The following SI variants were observed in gnomAD, a reference collection of about 807,000 sequenced individuals.
SI encodes sucrase-isomaltase, intestinal.
SI carries 235 observed loss-of-function variants against 253.3 expected under a neutral mutation model. The ratio of observed to expected loss-of-function variants is 0.93; its 90% CI spans 0.83 to 1.03. SI has a LOEUF of 1.03. SI is among the 50% of genes least tolerant of loss of function. SI has a pLI of 0.00. For missense variants in SI, 2,442 were observed against 2,211.1 expected (o/e 1.10, Z -2.09); for synonymous variants, 819 against 712.0 (o/e 1.15, Z -2.39).
At chr3:165,050,438 A>G (rs1193300312) in intron 13 of SI, among the ~76,000 whole-genome samples, 1 of 152,118 alleles carries the variant, frequency 6.6e-6, no homozygotes, top group Non-Finnish European at 1.5e-5. Context: ...ACACTCTGAG[A>G]ACCAAGACCT....
At chr3:165,082,626 G>A (rs578009661), upstream of SI, among the ~76,000 whole-genome samples, 8 of 152,032 alleles carry the variant, frequency 5.3e-5, no homozygotes, top group East Asian at 1.9e-4. Flanking sequence ...TCATATTAAA[G>A]CTATCCATAA....
chr3:165,022,533 TCTCACA>T (rs1467266163), intron 26 of SI, among the ~76,000 whole-genome samples: 13 of 83,380 alleles, frequency 1.6e-4, no homozygotes, highest in African/African-American at 4.6e-4. Context: ...TTTTGTGCCA[TCTCACA>T]CACACACACA....
At chr3:165,018,649 T>C (rs983483004) in intron 28 of SI, among the ~76,000 whole-genome samples, 8 of 151,212 alleles carry the variant, frequency 5.3e-5, no homozygotes, top group African/African-American at 1.9e-4. Flanking sequence ...TCTTAATATA[T>C]ATAAAATTAC....
intron 38 of SI, among the ~76,000 whole-genome samples, chr3:164,997,699 T>C (rs1021352581): frequency 1.3e-4 from 19 of 151,900 alleles, no homozygotes; most frequent in African/African-American, 4.3e-4. Flanking sequence ...TGTCCATGTG[T>C]ACACAGTGTT....
intron 9 of SI, among the ~76,000 whole-genome samples, chr3:165,060,982 T>A (rs1713958309): frequency 6.6e-6 from 1 of 151,050 alleles, no homozygotes; most frequent in Non-Finnish European, 1.5e-5. Flanking sequence ...TCTATTCAAA[T>A]GAAATACTAA....
chr3:164,982,832 A>G (rs551849132), intron 46 of SI, among the ~76,000 whole-genome samples, 170 bp downstream of exon 46: 1 of 152,032 alleles, frequency 6.6e-6, no homozygotes, highest in African/African-American at 2.4e-5. Flanking sequence ...TAATGTTTTT[A>G]TAGAGATGGG....
In SI at chr3:165,035,358, T is replaced by G. The variant is rs1350060199; in HGVS notation, c.2515+1031A>C. On this transcript the variant is annotated intron_variant, in intron 22 of 47. Transcript: ENST00000264382. ...TAATTCATAGCTTGCATTGAGAAAA[T>G]CACCCAGAGAATAGATCTTTCCTTA... Among the ~76,000 whole-genome samples the G allele has an allele frequency of 2.0e-5, 3 of 151,866 alleles. No individual in the cohort carries two copies. In the East Asian group the frequency reaches 5.8e-4, roughly 29 times the overall value.
chr3:164,987,127 C>A lies in SI; in HGVS notation c.5197+11G>T. The A allele has an allele frequency of 1.3e-6, 2 of 1,594,226 alleles. No homozygotes were observed. The highest frequency in any genetic ancestry group is 1.7e-6 in the Non-Finnish European group (2 of 1,162,318). ...CATCAATTAAATTTATCTACTAAAT[C>A]GAGCACTCACCTATACTCTCTCCAT... On this transcript the variant is annotated intron_variant, in intron 45 of 47. Coordinates refer to ENST00000264382, the MANE Select transcript of SI (RefSeq NM_001041.4).
At chr3:165,078,689 T>C (rs1715156894), upstream of SI, among the ~76,000 whole-genome samples, 1 of 151,632 alleles carries the variant, frequency 6.6e-6, no homozygotes, top group African/African-American at 2.4e-5. Context: ...AGATACTCTT[T>C]GATTTCTCAA....
chr3:165,043,229 A>G lies in SI; in HGVS notation c.1888-54T>C, dbSNP rs1042758004. Reference sequence around the variant, plus strand: ...AATGTTAAGATTCTCAAATTTGCCTAGAGCATCACACTGTATGCCTCAACT... The same window carrying G: ...AATGTTAAGATTCTCAAATTTGCCTGGAGCATCACACTGTATGCCTCAACT... On this transcript the variant is annotated intron_variant, in intron 16 of 47. Coordinates refer to ENST00000264382, the MANE Select transcript of SI (RefSeq NM_001041.4). The G allele has an allele frequency of 2.9e-5, 36 of 1,228,084 alleles. No homozygotes were observed. In the African/African-American group the frequency reaches 5.0e-4, roughly 17 times the overall value. The allele number at this position is 1,228,084 out of a possible 1,614,324, so 76.1% of individuals were successfully genotyped here. A position where few individuals can be genotyped will look rare whatever the true frequency, so the allele number is the denominator to read the frequency against.
rs780611725 is a variant in SI, at chr3:165,032,613, C to G, written c.2645G>C (p.Gly882Ala). 3 of 1,608,852 alleles carry G rather than the reference C, an allele frequency of 1.9e-6. No homozygotes were observed. The East Asian group carries it at 6.7e-5, about 36-fold the overall frequency. Residue 882 changes from glycine (G) to alanine (A), a missense_variant, in exon 24 of 48, where the codon GGG becomes GCG. Gly to Ala is a moderately conservative substitution (Grantham distance 60, BLOSUM62 0). Coordinates refer to ENST00000264382, the MANE Select transcript of SI (RefSeq NM_001041.4). ...AACTTCTGTAACACTGTCTGTCAACCCAAGGATTTTTACAGTCTGAAATGC... is the reference window on the plus strand; with the variant it reads ...AACTTCTGTAACACTGTCTGTCAACGCAAGGATTTTTACAGTCTGAAATGC... ...TLAFQTVKIL[G>A]LTDSVTEVRV...
At chr3:165,043,932 T>C (rs1049180329) in intron 16 of SI, among the ~76,000 whole-genome samples, 2 of 151,968 alleles carry the variant, frequency 1.3e-5, no homozygotes, top group Non-Finnish European at 2.9e-5. Context: ...TTCCGTGAAA[T>C]TTATATATAG....
chr3:164,992,432 C>A (rs749798846), intron 41 of SI, 35 bp from the exon 42 acceptor site: 1 of 1,368,186 alleles, frequency 7.3e-7, no homozygotes, highest in Non-Finnish European at 1.0e-6. Flanking sequence ...TAAATTAAAA[C>A]AAATAACTTT....
intron 28 of SI, 61 bp downstream of exon 28, chr3:165,019,541 T>TG: frequency 2.8e-6 from 4 of 1,439,618 alleles, no homozygotes; most frequent in Non-Finnish European, 2.9e-6. Flanking sequence ...CATAAAGAAG[T>TG]GGCTTGGATT....
Position 164,979,264 on chromosome 3 carries a change from T to C in SI, c.*98A>G. ...TCGATGTTATGAAAGCTATATTTTG[T>C]AGAGTACAAGAACCAAGTGAAGAGG... On this transcript the variant is annotated 3_prime_UTR_variant, in exon 48 of 48. Coordinates refer to ENST00000264382, the MANE Select transcript of SI (RefSeq NM_001041.4). 1.3e-6 allele frequency: 1 copy of C among 777,696 alleles called. No individual in the cohort carries two copies. Among genetic ancestry groups the C allele is most frequent in the Non-Finnish European group, 2.3e-6 (1 of 429,322 alleles). 48.2% of individuals were successfully genotyped at this position (777,696 alleles called of 1,614,324 possible).
intron 12 of SI, among the ~76,000 whole-genome samples, chr3:165,055,572 A>G (rs1713656878): frequency 6.6e-6 from 1 of 151,972 alleles, no homozygotes; most frequent in Non-Finnish European, 1.5e-5. Flanking sequence ...TTGACTGTAA[A>G]TTTGTTTTTA....
Position 165,011,774 on chromosome 3 carries a change from T to C in SI, c.4062+1206A>G, listed in dbSNP as rs1718782649. On this transcript the variant is annotated intron_variant, in intron 34 of 47. Coordinates refer to ENST00000264382, the MANE Select transcript of SI (RefSeq NM_001041.4). ...CATTATTGTTATTATTTATTTATTA[T>C]TTATTATTATTATTTATTTATTATT... is the stretch of plus-strand genomic sequence containing the variant. Among the ~76,000 whole-genome samples, 4 of 148,776 alleles carry C rather than the reference T, an allele frequency of 2.7e-5. No homozygotes were observed. The South Asian group carries it at 8.4e-4, about 31-fold the overall frequency.
intron 38 of SI, among the ~76,000 whole-genome samples, 180 bp downstream of exon 38, chr3:164,998,360 C>A (rs1576875789): frequency 6.6e-6 from 1 of 151,746 alleles, no homozygotes; most frequent in Admixed American, 6.6e-5. Context: ...TCATTAGTTT[C>A]TACACAGCAC....
chr3:165,030,442 T>C (rs1712170647), intron 25 of SI, among the ~76,000 whole-genome samples: 1 of 150,702 alleles, frequency 6.6e-6, no homozygotes, highest in Non-Finnish European at 1.5e-5. Flanking sequence ...TCAGACAGAG[T>C]ATTATTTTTT....
Sources: allele counts gnomAD v4.1 joint callset (sites outside exome capture counted in the v4.1 genomes callset), GRCh38; gene constraint gnomAD v4.1.1; transcripts MANE v1.5; gene names NCBI Gene and HGNC (gene_info 2026-07-23, HGNC 2026-07-21).